The following PPARGC1B variants were observed in gnomAD, a reference collection of about 807,000 sequenced individuals.
The protein encoded by PPARGC1B is PPARG coactivator 1 beta.
In PPARGC1B, 34 loss-of-function variants were observed where a neutral mutation model predicts 101.6. The ratio of observed to expected loss-of-function variants is 0.33; its 90% CI spans 0.25 to 0.45. PPARGC1B has a LOEUF of 0.45. PPARGC1B is among the 20% of genes least tolerant of loss of function. The pLI, the probability that PPARGC1B is intolerant of heterozygous loss-of-function variation, is 1.00. For missense variants in PPARGC1B, 1,234 were observed against 1,317.6 expected (o/e 0.94, Z 0.98); for synonymous variants, 548 against 539.3 (o/e 1.02, Z -0.22).
intron 1 of PPARGC1B, among the ~76,000 whole-genome samples, chr5:149,768,945 A>G (rs1029056656): frequency 5.9e-5 from 9 of 152,150 alleles, no homozygotes; most frequent in African/African-American, 2.2e-4. Flanking sequence ...GTGAGCCACC[A>G]CTCCTGGCCA....
chr5:149,799,648 G>GT (rs1210758347), intron 1 of PPARGC1B, among the ~76,000 whole-genome samples: 1 of 151,168 alleles, frequency 6.6e-6, no homozygotes, highest in Non-Finnish European at 1.5e-5. Flanking sequence ...CATCAGGGAG[G>GT]TGGCATATGA....
chr5:149,799,747 G>A (rs1022507130), intron 1 of PPARGC1B, among the ~76,000 whole-genome samples: 1 of 127,126 alleles, frequency 7.9e-6, no homozygotes, highest in Non-Finnish European at 1.6e-5. Context: ...ACCCAGGCTG[G>A]AGTGCAGTGG....
intron 3 of PPARGC1B, among the ~76,000 whole-genome samples, chr5:149,830,261 T>C (rs114005388): frequency 0.034 from 5,085 of 151,658 alleles, 113 homozygotes; most frequent in African/African-American, 0.068. Context: ...TTTTTTTTAA[T>C]CATTTACAAG....
At chr5:149,735,248 G>A (rs923542208) in intron 1 of PPARGC1B, among the ~76,000 whole-genome samples, 3 of 152,198 alleles carry the variant, frequency 2.0e-5, no homozygotes, top group African/African-American at 7.2e-5. Context: ...CAGGATGCCT[G>A]TGAAACCCAG....
At chr5:149,762,660 T>C (rs1173095847) in intron 1 of PPARGC1B, among the ~76,000 whole-genome samples, 1 of 152,240 alleles carries the variant, frequency 6.6e-6, no homozygotes, top group Non-Finnish European at 1.5e-5. Context: ...AATGCTTGTA[T>C]GTGTGGAAGG....
rs906423010 is a variant in PPARGC1B, at chr5:149,848,565, A to T, written c.*1007A>T. ...CACCGGGCTAGAAGCCTAAGGGCTC[A>T]TTTTAGGGGTTACATTAGGTGTTGA... is the stretch of plus-strand genomic sequence containing the variant. On this transcript the variant is annotated 3_prime_UTR_variant, in exon 12 of 12. Coordinates refer to ENST00000309241, the MANE Select transcript of PPARGC1B (RefSeq NM_133263.4). 1 of 152,208 alleles carries T rather than the reference A, an allele frequency of 6.6e-6. No individual in the cohort carries two copies. Among genetic ancestry groups the T allele is most frequent in the Non-Finnish European group, 1.5e-5 (1 of 68,034 alleles). 9.4% of individuals were successfully genotyped at this position (152,208 alleles called of 1,614,324 possible). A position where few individuals can be genotyped will look rare whatever the true frequency, so the allele number is the denominator to read the frequency against.
chr5:149,834,876 G>A (rs1758980671), intron 6 of PPARGC1B, among the ~76,000 whole-genome samples, 166 bp downstream of exon 6: 1 of 152,210 alleles, frequency 6.6e-6, no homozygotes, highest in African/African-American at 2.4e-5. Context: ...TCCTTTAGAA[G>A]GGAGTTGGTG....
At chr5:149,749,403 T>A (rs1755207659) in intron 1 of PPARGC1B, among the ~76,000 whole-genome samples, 1 of 152,226 alleles carries the variant, frequency 6.6e-6, no homozygotes, top group South Asian at 2.1e-4. Flanking sequence ...AATGTGAGAC[T>A]TGTGGCCCTT....
At chr5:149,828,961 G>T (rs1758636761) in intron 3 of PPARGC1B, among the ~76,000 whole-genome samples, 1 of 152,006 alleles carries the variant, frequency 6.6e-6, no homozygotes, top group African/African-American at 2.4e-5. Flanking sequence ...TGGGGTAGGA[G>T]GATTTTCTAA....
intron 1 of PPARGC1B, among the ~76,000 whole-genome samples, chr5:149,755,162 GC>G: frequency 6.6e-6 from 1 of 150,628 alleles, no homozygotes. Context: ...GTCCACCTTG[GC>G]CTCCCAAAGT....
At chr5:149,830,701 C>T (rs2113390932) in intron 3 of PPARGC1B, 66 bp from the exon 4 acceptor site, 2 of 1,187,142 alleles carry the variant, frequency 1.7e-6, no homozygotes, top group Admixed American at 1.7e-5. Context: ...GAGGGGCTGG[C>T]CATGCAGTCC....
intron 1 of PPARGC1B, among the ~76,000 whole-genome samples, chr5:149,773,419 A>T (rs1054441249): frequency 4.6e-5 from 7 of 152,206 alleles, no homozygotes; most frequent in Admixed American, 3.9e-4. Flanking sequence ...CTGCCTACAC[A>T]GGGGAAGACA....
chr5:149,836,877 G>A lies in PPARGC1B; in HGVS notation c.2422G>A (p.Glu808Lys), dbSNP rs1388104352. 2 of 1,612,970 alleles carry A rather than the reference G, an allele frequency of 1.2e-6. No individual in the cohort carries two copies. Among genetic ancestry groups the A allele is most frequent in the South Asian group, 1.1e-5 (1 of 91,092 alleles). Residue 808 changes from glutamate (E) to lysine (K), a missense_variant, in exon 8 of 12, where the codon GAG becomes AAG. Around this residue, in one of 3 missense-constraint regions of PPARGC1B, gnomAD observed 497 missense variants for 529.5 expected, o/e 0.94. Coordinates refer to ENST00000309241, the MANE Select transcript of PPARGC1B (RefSeq NM_133263.4). ...SSGESSFLPE[E>K]EEEEGEEEEE... ...CGGCGAGAGCAGCTTCCTCCCAGAG[G>A]AGGAAGAGGAAGAAGGGGAGGAGGA... is the stretch of plus-strand genomic sequence containing the variant.
At position 149,836,636 on chromosome 5, in the gene PPARGC1B, C is replaced by T. The variant is rs186462923; in HGVS notation, c.2181C>T (p.Ala727=). The change falls in exon 8 of 12, where the codon GCC becomes GCT. Residue 727 remains alanine (A), a synonymous_variant. Transcript: ENST00000309241. Reference sequence around the variant, plus strand: ...TTGAGGACTGGCCCCAGCAGGGTGCCCCTTGGGCTGAGGCACAGGCCCCTG... The same window carrying T: ...TTGAGGACTGGCCCCAGCAGGGTGCTCCTTGGGCTGAGGCACAGGCCCCTG... ...VHLEDWPQQG[A]PWAEAQAPGR... is the part of the protein sequence containing the mutation. The T allele has an allele frequency of 1.1e-4, 181 of 1,613,844 alleles. 1 individual carries two copies. In the East Asian group the frequency reaches 2.2e-3, roughly 20 times the overall value.
chr5:149,839,270 A>G (rs1280095685), intron 8 of PPARGC1B, among the ~76,000 whole-genome samples: 1 of 152,174 alleles, frequency 6.6e-6, no homozygotes, highest in Non-Finnish European at 1.5e-5. Flanking sequence ...TGAAGTTGAG[A>G]GGGCTTCTGT....
intron 1 of PPARGC1B, among the ~76,000 whole-genome samples, chr5:149,768,441 ATTT>A (rs34427591): frequency 1.0e-4 from 13 of 127,500 alleles, no homozygotes; most frequent in South Asian, 2.6e-4. Flanking sequence ...TGCCTGGCTA[ATTT>A]TTTTTTTTTT....
At chr5:149,743,519 T>TC (rs1754983567) in intron 1 of PPARGC1B, among the ~76,000 whole-genome samples, 1 of 152,182 alleles carries the variant, frequency 6.6e-6, no homozygotes, top group Non-Finnish European at 1.5e-5. Context: ...AAGCTGGTTT[T>TC]CCATCAAATC....
chr5:149,843,537 T>C lies in PPARGC1B; in HGVS notation c.2816+1160T>C, dbSNP rs542130063. ...GAGAAACTGGAACTCTTGTATAGTG[T>C]TGGTGGGAATTTTAAATGATGCAGC... On this transcript the variant is annotated intron_variant, in intron 10 of 11. Transcript: ENST00000309241. Among the ~76,000 whole-genome samples the C allele has an allele frequency of 6.6e-5, 10 of 152,236 alleles. No individual in the cohort carries two copies. The South Asian group carries it at 1.5e-3, about 22-fold the overall frequency.
chr5:149,771,875 G>A (rs115342406), intron 1 of PPARGC1B: 6,259 of 616,432 alleles, frequency 0.01, 46 homozygotes, highest in Middle Eastern at 0.019. Flanking sequence ...TCCCCACCAT[G>A]GCCAATTTCA....
Sources: gnomAD v4.1 joint callset for allele counts (sites outside exome capture counted in the v4.1 genomes callset) on GRCh38, gnomAD v4.1.1 for gene constraint, gnomAD v4.1.1 regional missense constraint, MANE v1.5 for transcripts, NCBI Gene and HGNC (gene_info 2026-07-23, HGNC 2026-07-21) for gene names.